AFF1: variants seen among roughly 807,000 people sequenced by gnomAD.
The protein encoded by AFF1 is ALF transcription elongation factor 1.
In AFF1, 48 loss-of-function variants were observed where a neutral mutation model predicts 121.7. The observed-to-expected ratio is 0.39, with a 90% CI of 0.31 to 0.50. The LOEUF (loss-of-function observed/expected upper bound fraction) is 0.50, where lower values mean the gene tolerates loss of function less well. Ranked by LOEUF, AFF1 falls within the 20% of genes least tolerant of loss-of-function variation. AFF1 has a pLI of 0.76. For missense variants in AFF1, 1,523 were observed against 1,511.7 expected (o/e 1.01, Z -0.12); for synonymous variants, 613 against 563.0 (o/e 1.09, Z -1.26).
At chr4:87,062,388 C>A (rs393991) in intron 4 of AFF1, among the ~76,000 whole-genome samples, 123,690 of 152,060 alleles carry the variant, frequency 0.81, 50,487 homozygotes, top group African/African-American at 0.88. Context: ...ATGAGGGCAG[C>A]GAGCCCTCAT....
intron 13 of AFF1, 33 bp from the exon 14 acceptor site, chr4:87,126,066 C>T (rs778690429): frequency 1.9e-5 from 30 of 1,601,562 alleles, no homozygotes; most frequent in Non-Finnish European, 2.2e-5. Flanking sequence ...TGTACTTTGC[C>T]TCCTCTTAGT....
intron 7 of AFF1, among the ~76,000 whole-genome samples, chr4:87,092,528 A>C (rs236988): frequency 0.04 from 6,081 of 152,156 alleles, 194 homozygotes; most frequent in African/African-American, 0.08. Context: ...TTTGTTTGCC[A>C]TGTAATTCTT....
chr4:87,110,725 ACTT>A (rs1726409689), intron 11 of AFF1, among the ~76,000 whole-genome samples: 1 of 146,150 alleles, frequency 6.8e-6, no homozygotes, highest in Admixed American at 7.1e-5. Context: ...TAAGCTCAAA[ACTT>A]CTTAATTCAA....
At chr4:86,994,182 T>C (rs986399433) in intron 2 of AFF1, among the ~76,000 whole-genome samples, 1 of 152,186 alleles carries the variant, frequency 6.6e-6, no homozygotes, top group Admixed American at 6.5e-5. Flanking sequence ...AAATAAACTA[T>C]ATTTAAACAA....
At chr4:86,977,959 C>T (rs543327423) in intron 2 of AFF1, among the ~76,000 whole-genome samples, 131 of 152,034 alleles carry the variant, frequency 8.6e-4, no homozygotes, top group African/African-American at 2.9e-3. Flanking sequence ...ATGAGTCAGA[C>T]GTGTACTCTG....
intron 2 of AFF1, among the ~76,000 whole-genome samples, chr4:86,992,038 A>C (rs1284096784): frequency 6.6e-6 from 1 of 152,122 alleles, no homozygotes; most frequent in Admixed American, 6.6e-5. Context: ...GCTGTGCTGA[A>C]ACATATCTAG....
At chr4:87,079,125 C>T (rs143959818) in intron 4 of AFF1, among the ~76,000 whole-genome samples, 6 of 152,136 alleles carry the variant, frequency 3.9e-5, no homozygotes, top group African/African-American at 1.4e-4. Context: ...CTCGTCAGCA[C>T]ATTGCCTTTG....
At chr4:86,991,938 AAAACC>A (rs1724764358) in intron 2 of AFF1, among the ~76,000 whole-genome samples, 1 of 151,734 alleles carries the variant, frequency 6.6e-6, no homozygotes, top group African/African-American at 2.4e-5. Flanking sequence ...ACTTCTCGAG[AAAACC>A]AAACCAACCA....
intron 2 of AFF1, among the ~76,000 whole-genome samples, chr4:86,951,602 CTTTTTCTTTTTTCTT>C (rs972767641): frequency 8.7e-6 from 1 of 115,492 alleles, no homozygotes; most frequent in African/African-American, 3.7e-5. Flanking sequence ...ACTTTTTTTT[CTTTTTCTTTTTTCTT>C]TTTTTCTTTT....
chr4:87,079,290 G>A (rs1372526399), intron 4 of AFF1, among the ~76,000 whole-genome samples: 2 of 152,128 alleles, frequency 1.3e-5, no homozygotes, highest in Non-Finnish European at 2.9e-5. Flanking sequence ...GCTCTTTTTA[G>A]CTTATTAAAA....
chr4:87,119,537 C>G (rs998082516), intron 12 of AFF1, among the ~76,000 whole-genome samples: 4 of 152,178 alleles, frequency 2.6e-5, no homozygotes, highest in Non-Finnish European at 5.9e-5. Context: ...AGTCACTGCA[C>G]TCCAGCATGG....
At chr4:87,091,680 A>C in intron 6 of AFF1, 113 bp from the exon 7 acceptor site, 1 of 698,824 alleles carries the variant, frequency 1.4e-6, no homozygotes, top group Non-Finnish European at 2.4e-6. Flanking sequence ...ATTTTTCTAG[A>C]TATTTGAAAG....
chr4:86,985,214 T>TATATATATATATATATATAA (rs1277485096), intron 2 of AFF1, among the ~76,000 whole-genome samples: 25 of 104,504 alleles, frequency 2.4e-4, no homozygotes, highest in African/African-American at 7.7e-4. Context: ...TATATATATA[T>TATATATATATATATATATAA]AAAATTATAT....
chr4:87,135,634 T>C lies in AFF1; in HGVS notation c.3590T>C (p.Leu1197Ser). 6.2e-7 allele frequency: 1 copy of C among 1,612,798 alleles called. No individual in the cohort carries two copies. The highest frequency in any genetic ancestry group is 8.5e-7 in the Non-Finnish European group (1 of 1,179,338). Residue 1197 changes from leucine (L) to serine (S), a missense_variant, in exon 21 of 21, where the codon TTG becomes TCG. By Grantham distance (145) the Leu-to-Ser change is moderately radical (BLOSUM62 -2). Transcript: ENST00000395146. Reference sequence around the variant, plus strand: ...TGCACCTTGGCCCTCAACAGCAGTTTGGTGGACCTGGTGCACTATACACGA... The same window carrying C: ...TGCACCTTGGCCCTCAACAGCAGTTCGGTGGACCTGGTGCACTATACACGA... ...NVCTLALNSS[L>S]VDLVHYTRQG...
chr4:87,037,315 G>C (rs1164604139), intron 2 of AFF1, among the ~76,000 whole-genome samples: 1 of 152,050 alleles, frequency 6.6e-6, no homozygotes, highest in East Asian at 1.9e-4. Context: ...CTTGGTGGTA[G>C]GTTGTTTTTG....
chr4:87,007,209 C>T, intron 2 of AFF1: 5 of 1,433,238 alleles, frequency 3.5e-6, no homozygotes, highest in South Asian at 1.5e-5. Context: ...TCAGGATTAG[C>T]GCGAGCCAAT....
In AFF1 at chr4:87,140,197, G is replaced by A. The variant is rs1413947252; in HGVS notation, c.*4496G>A. 1 of 200,320 alleles carries A rather than the reference G, an allele frequency of 5.0e-6. No homozygotes were observed. 12.4% of individuals were successfully genotyped at this position (200,320 alleles called of 1,614,324 possible). ...CGGACCAGGCAGTGGCTGACCTAAG[G>A]AAGACAACTTGCTTTGCTTAAAAGT... On this transcript the variant is annotated 3_prime_UTR_variant, in exon 21 of 21. Coordinates refer to ENST00000395146, the MANE Select transcript of AFF1 (RefSeq NM_001166693.3).
intron 1 of AFF1, among the ~76,000 whole-genome samples, chr4:86,944,398 G>A (rs955013975): frequency 1.4e-5 from 2 of 148,012 alleles, no homozygotes; most frequent in African/African-American, 5.1e-5. Context: ...GGACAGTCTT[G>A]TTCTGTCGCC....
At chr4:87,046,321 T>C (rs1358417704) in intron 3 of AFF1, 35 bp downstream of exon 3, 3 of 1,603,448 alleles carry the variant, frequency 1.9e-6, no homozygotes, top group East Asian at 2.2e-5. Flanking sequence ...AAGTCCTGAT[T>C]TATCACAATG....
Sources: allele counts gnomAD v4.1 joint callset (sites outside exome capture counted in the v4.1 genomes callset), GRCh38; gene constraint gnomAD v4.1.1; transcripts MANE v1.5; gene names NCBI Gene and HGNC (gene_info 2026-07-23, HGNC 2026-07-21).